Variants in EXOC6B observed in about 807,000 individuals in gnomAD.
EXOC6B encodes exocyst complex component 6B, also known as SEC15 homolog B.
EXOC6B carries 54 observed loss-of-function variants against 113.5 expected under a neutral mutation model. The ratio of observed to expected loss-of-function variants is 0.48; its 90% confidence interval spans 0.38 to 0.60. The LOEUF (loss-of-function observed/expected upper bound fraction) is 0.60, where lower values mean the gene tolerates loss of function less well. Ranked by LOEUF, EXOC6B falls within the 20% of genes least tolerant of loss-of-function variation. EXOC6B has a pLI of 0.00. For synonymous variants in EXOC6B, 357 were observed against 339.0 expected (o/e 1.05, Z -0.58); for missense variants, 797 against 977.5 (o/e 0.82, Z 2.46).
chr2:72,757,412 C>T lies in EXOC6B; in HGVS notation c.114-15943G>A, dbSNP rs568707761. ...TACACAGAGCAAACAGAGATTATCA[C>T]AGGAATTTCCTCTGGCCTACAGTAT... On this transcript the variant is annotated intron_variant, in intron 1 of 21. Transcript: ENST00000272427. Among the ~76,000 whole-genome samples the T allele has an allele frequency of 3.3e-5, 5 of 152,322 alleles. No homozygotes were observed. In the South Asian group the frequency reaches 1.0e-3, roughly 32 times the overall value.
chr2:72,404,299 CA>C (rs1693569014), intron 18 of EXOC6B, among the ~76,000 whole-genome samples: 1 of 152,210 alleles, frequency 6.6e-6, no homozygotes, highest in Non-Finnish European at 1.5e-5. Context: ...CATAGCAAAA[CA>C]AAAGGCAGCA....
rs138997740 is a variant in EXOC6B, at chr2:72,218,775, G to A, written c.2197-34588C>T. Among the ~76,000 whole-genome samples the A allele has an allele frequency of 2.8e-3, 419 of 152,154 alleles. 3 individuals are homozygous for A. Among genetic ancestry groups the A allele is most frequent in the African/African-American group, 9.0e-3 (372 of 41,516 alleles). ...ACTCCCTGGTTCAAGCAATTCTCCT[G>A]CCTCAGCCTCCTGAGTAGCTGGGAT... On this transcript the variant is annotated intron_variant, in intron 20 of 21. Transcript: ENST00000272427.
chr2:72,429,655 G>A (rs796367809), intron 18 of EXOC6B, among the ~76,000 whole-genome samples: 8 of 152,282 alleles, frequency 5.3e-5, no homozygotes, highest in African/African-American at 1.7e-4. Context: ...CTCTTCAAGC[G>A]ATGTTGGGCA....
At chr2:72,420,596 C>T (rs1694815549) in intron 18 of EXOC6B, among the ~76,000 whole-genome samples, 1 of 152,158 alleles carries the variant, frequency 6.6e-6, no homozygotes, top group Non-Finnish European at 1.5e-5. Context: ...CATAGTATTC[C>T]ATGGTGTATA....
chr2:72,270,341 C>A (rs139211064), intron 20 of EXOC6B, among the ~76,000 whole-genome samples: 4 of 152,096 alleles, frequency 2.6e-5, no homozygotes, highest in African/African-American at 7.2e-5. Flanking sequence ...AGAAGGCAAG[C>A]GTCCCAAACA....
Position 72,718,184 on chromosome 2 carries a change from A to T in EXOC6B, c.588T>A (p.Asp196Glu), listed in dbSNP as rs1373893640. 1.2e-6 allele frequency: 2 copies of T among 1,613,848 alleles called. No homozygotes were observed. The highest frequency in any genetic ancestry group is 1.7e-5 in the Admixed American group (1 of 59,992). ...AGTCTTTGAGATCGGACATAGAAAC[A>T]TCTTTTATTTCTTCTCGAAGCTTGG... is the stretch of plus-strand genomic sequence containing the variant. Reference protein sequence around the residue: ...NIPKLREEIKDVSMSDLKDFL... With the variant: ...NIPKLREEIKEVSMSDLKDFL... Residue 196 changes from aspartate (D) to glutamate (E), a missense_variant, in exon 6 of 22, where the codon GAT becomes GAA. Transcript: ENST00000272427.
At chr2:72,457,081 G>A (rs1697283570) in intron 18 of EXOC6B, among the ~76,000 whole-genome samples, 1 of 151,888 alleles carries the variant, frequency 6.6e-6, no homozygotes, top group African/African-American at 2.4e-5. Context: ...TTCATTATGG[G>A]AGGAGAATCT....
intron 20 of EXOC6B, among the ~76,000 whole-genome samples, chr2:72,258,623 G>A (rs1283591967): frequency 6.6e-6 from 1 of 151,754 alleles, no homozygotes; most frequent in African/African-American, 2.4e-5. Context: ...TCCTGCCTTA[G>A]CCACTCAAAG....
intron 2 of EXOC6B, among the ~76,000 whole-genome samples, chr2:72,738,129 G>A (rs756734876): frequency 6.6e-6 from 1 of 152,096 alleles, no homozygotes; most frequent in Admixed American, 6.6e-5. Flanking sequence ...ACAAGAAAAG[G>A]GTTGGGAAGC....
Position 72,184,060 on chromosome 2 carries a change from G to T in EXOC6B, c.2309+15C>A. On this transcript the variant is annotated intron_variant, in intron 21 of 21. Transcript: ENST00000272427. ...TCCCCACCTCCCAACACAGACCATT[G>T]GACAAGGTACTCACTTCTCAAGCAG... 1.4e-6 allele frequency: 2 copies of T among 1,446,546 alleles called. No homozygotes were observed. The highest frequency in any genetic ancestry group is 1.9e-6 in the Non-Finnish European group (2 of 1,050,100). 89.6% of individuals were successfully genotyped at this position (1,446,546 alleles called of 1,614,324 possible).
intron 19 of EXOC6B, chr2:72,335,321 A>T: frequency 4.0e-6 from 1 of 252,336 alleles, no homozygotes; most frequent in Admixed American, 5.2e-5. Flanking sequence ...CTTGCAAAGG[A>T]GGAGGGAGTG....
chr2:72,693,915 A>G (rs1230020731), intron 6 of EXOC6B, among the ~76,000 whole-genome samples: 1 of 151,938 alleles, frequency 6.6e-6, no homozygotes, highest in African/African-American at 2.4e-5. Flanking sequence ...TCCTAAAAAA[A>G]TATATCCAAA....
At chr2:72,678,408 A>C (rs1039355085) in intron 6 of EXOC6B, among the ~76,000 whole-genome samples, 1 of 152,214 alleles carries the variant, frequency 6.6e-6, no homozygotes, top group Non-Finnish European at 1.5e-5. Flanking sequence ...ATGTCTGCTT[A>C]TTAAGGAACT....
chr2:72,268,002 T>C (rs1045319749), intron 20 of EXOC6B, among the ~76,000 whole-genome samples: 1 of 152,196 alleles, frequency 6.6e-6, no homozygotes, highest in African/African-American at 2.4e-5. Context: ...GCGACAGCAA[T>C]AAAAATGGGA....
chr2:72,794,481 T>C (rs1179545897), intron 1 of EXOC6B, among the ~76,000 whole-genome samples: 1 of 152,184 alleles, frequency 6.6e-6, no homozygotes, highest in Non-Finnish European at 1.5e-5. Flanking sequence ...AAAAAATTCA[T>C]ATAAAACATA....
At chr2:72,738,890 C>T (rs1401270344) in intron 2 of EXOC6B, among the ~76,000 whole-genome samples, 1 of 152,084 alleles carries the variant, frequency 6.6e-6, no homozygotes, top group Non-Finnish European at 1.5e-5. Context: ...GCATAAGGCA[C>T]AAGAATGAAA....
chr2:72,235,608 G>T (rs1365619291), intron 20 of EXOC6B, among the ~76,000 whole-genome samples: 1 of 152,186 alleles, frequency 6.6e-6, no homozygotes, highest in South Asian at 2.1e-4. Context: ...CTAGCTTCTA[G>T]ATGATGCTGT....
chr2:72,492,577 A>C lies in EXOC6B; in HGVS notation c.1554-148T>G. On this transcript the variant is annotated intron_variant, in intron 15 of 21. Coordinates refer to ENST00000272427, the MANE Select transcript of EXOC6B (RefSeq NM_015189.3). ...ATTGTAAGTCAGAAAAAGTACTATA[A>C]TAAACTCTCCTAGCTTTTGTTGGCT... 4 of 482,434 alleles carry C rather than the reference A, an allele frequency of 8.3e-6. No homozygotes were observed. The East Asian group carries it at 1.3e-4, about 15-fold the overall frequency. 29.9% of individuals were successfully genotyped at this position (482,434 alleles called of 1,614,324 possible). A position where few individuals can be genotyped will look rare whatever the true frequency, so the allele number is the denominator to read the frequency against.
chr2:72,789,322 G>A (rs143371300), intron 1 of EXOC6B, among the ~76,000 whole-genome samples: 3 of 152,208 alleles, frequency 2.0e-5, no homozygotes, highest in African/African-American at 7.2e-5. Context: ...AGCAATAAAT[G>A]CTAATTTCTT....
Sources: gnomAD v4.1 joint callset for allele counts (sites outside exome capture counted in the v4.1 genomes callset) on GRCh38, gnomAD v4.1.1 for gene constraint, MANE v1.5 for transcripts, NCBI Gene and HGNC (gene_info 2026-07-23, HGNC 2026-07-21) for gene names.